LARGE1: variants seen among roughly 807,000 people sequenced by gnomAD.
LARGE1 encodes LARGE xylosyl- and glucuronyltransferase 1, also known as xylosyl- and glucuronyltransferase LARGE1.
A neutral mutation model predicts 87.6 loss-of-function variants in LARGE1; 43 were observed. The ratio of observed to expected loss-of-function variants is 0.49; its 90% CI spans 0.38 to 0.63. LARGE1 has a LOEUF of 0.63. LARGE1 is among the 30% of genes least tolerant of loss of function. LARGE1 has a pLI of 0.00. For synonymous variants in LARGE1, 434 were observed against 394.6 expected, an observed-to-expected ratio of 1.10 and a Z score of -1.18; for missense variants, 802 against 1,000.2, an observed-to-expected ratio of 0.80 and a Z score of 2.67.
intron 6 of LARGE1, among the ~76,000 whole-genome samples, chr22:33,513,812 T>TACACACACACACACACACACACACAC (rs56262022): frequency 1.4e-5 from 2 of 143,180 alleles, no homozygotes; most frequent in East Asian, 4.2e-4. Context: ...AGAGCTGATG[T>TACACACACACACACACACACACACAC]ACACACACAC....
Position 33,653,164 on chromosome 22 carries a change from C to T in LARGE1, c.107-2496G>A, listed in dbSNP as rs535657436. Reference sequence around the variant, plus strand: ...GAACCTCTGGCTTCCTCGGGAGTTACACCTTCTGTAGTGTCTATCATGGAT... The same window carrying T: ...GAACCTCTGGCTTCCTCGGGAGTTATACCTTCTGTAGTGTCTATCATGGAT... On this transcript the variant is annotated intron_variant, in intron 2 of 14. Transcript: ENST00000397394. 9.4e-4 allele frequency among the ~76,000 whole-genome samples: 143 copies of T among 152,332 alleles called. 1 individual carries two copies. The South Asian group carries it at 0.011, about 12-fold the overall frequency.
intron 1 of LARGE1, among the ~76,000 whole-genome samples, chr22:33,764,100 G>A (rs979359483): frequency 8.6e-5 from 13 of 151,822 alleles, no homozygotes; most frequent in African/African-American, 3.1e-4. Context: ...CACCCACCTC[G>A]GCCTCCCAAA....
chr22:33,319,986 A>G (rs1257327660), intron 10 of LARGE1, among the ~76,000 whole-genome samples: 1 of 152,182 alleles, frequency 6.6e-6, no homozygotes, highest in Non-Finnish European at 1.5e-5. Flanking sequence ...TTTAACCGTT[A>G]AAAGGATGCA....
intron 1 of LARGE1, among the ~76,000 whole-genome samples, chr22:33,812,938 C>T (rs779767791): frequency 1.3e-5 from 2 of 152,188 alleles, no homozygotes; most frequent in Non-Finnish European, 2.9e-5. Flanking sequence ...ATAATTAATG[C>T]AACTAGCACT....
intron 6 of LARGE1, among the ~76,000 whole-genome samples, chr22:33,555,502 C>G (rs752363702): frequency 2.6e-5 from 4 of 151,926 alleles, no homozygotes; most frequent in Non-Finnish European, 4.4e-5. Context: ...CTGAGAAGCT[C>G]AGGTTTGGGC....
rs188891577 is a variant in LARGE1 at position 33,567,365 on chromosome 22, C to T, written c.616-2346G>A. 1.9e-3 allele frequency among the ~76,000 whole-genome samples: 289 copies of T among 152,280 alleles called. 1 individual carries two copies. Among genetic ancestry groups the T allele is most frequent in the Admixed American group, 3.8e-3 (58 of 15,298 alleles). On this transcript the variant is annotated intron_variant, in intron 5 of 14. Coordinates refer to ENST00000397394, the MANE Select transcript of LARGE1 (RefSeq NM_133642.5). ...CAAAATATACTCAGTAATAAGCTCC[C>T]GCCCTTCTTCCTGATCCCTCTATCT...
intron 6 of LARGE1, among the ~76,000 whole-genome samples, chr22:33,435,091 TC>T (rs2067219591): frequency 6.6e-6 from 1 of 152,212 alleles, no homozygotes; most frequent in Non-Finnish European, 1.5e-5. Flanking sequence ...AACCTTCGCC[TC>T]CCGAGTTAAA....
chr22:33,408,902 G>A (rs2066205846), intron 7 of LARGE1, among the ~76,000 whole-genome samples: 1 of 152,054 alleles, frequency 6.6e-6, no homozygotes, highest in African/African-American at 2.4e-5. Flanking sequence ...TTAATCCTAG[G>A]TTTGTTGACA....
At chr22:33,268,185 C>T (rs1022507894), downstream of LARGE1, among the ~76,000 whole-genome samples, 62 of 151,290 alleles carry the variant, frequency 4.1e-4, 2 homozygotes, top group African/African-American at 1.5e-3. Context: ...AACACCTGGC[C>T]TCAAGTGATT....
chr22:33,708,408 G>A (rs1286135448), intron 2 of LARGE1, among the ~76,000 whole-genome samples: 1 of 152,076 alleles, frequency 6.6e-6, no homozygotes, highest in African/African-American at 2.4e-5. Context: ...GCCCTCCTGA[G>A]TGCCCCTCGC....
chr22:33,538,925 T>C (rs2077112728), intron 6 of LARGE1, among the ~76,000 whole-genome samples: 2 of 152,206 alleles, frequency 1.3e-5, no homozygotes, highest in Non-Finnish European at 2.9e-5. Flanking sequence ...AAACTAGGGT[T>C]TGTAACACAT....
At chr22:33,573,411 C>A (rs2078263875) in intron 5 of LARGE1, among the ~76,000 whole-genome samples, 1 of 152,182 alleles carries the variant, frequency 6.6e-6, no homozygotes, top group South Asian at 2.1e-4. Context: ...TGCACTCCAG[C>A]CTGGGCAACA....
chr22:33,437,439 A>G (rs1000630043), intron 6 of LARGE1, among the ~76,000 whole-genome samples: 1 of 152,254 alleles, frequency 6.6e-6, no homozygotes, highest in South Asian at 2.1e-4. Context: ...ATTCACTTGT[A>G]AAATAGAGAT....
chr22:33,493,327 A>T (rs1351665694), intron 6 of LARGE1, among the ~76,000 whole-genome samples: 1 of 151,502 alleles, frequency 6.6e-6, no homozygotes, highest in African/African-American at 2.4e-5. Flanking sequence ...TGTCCAGCTA[A>T]TTTTTGTATT....
intron 2 of LARGE1, among the ~76,000 whole-genome samples, chr22:33,708,788 T>C (rs1243682167): frequency 6.6e-6 from 1 of 152,138 alleles, no homozygotes; most frequent in Non-Finnish European, 1.5e-5. Flanking sequence ...TTTAGTAAAG[T>C]CGGGGTTTCA....
intron 11 of LARGE1, among the ~76,000 whole-genome samples, chr22:33,194,966 G>A (rs1028857330): frequency 2.6e-5 from 4 of 152,120 alleles, no homozygotes; most frequent in Admixed American, 2.0e-4. Flanking sequence ...TAACTACCCT[G>A]TCAACACCCT....
At chr22:33,772,798 T>A (rs113530006) in intron 1 of LARGE1, among the ~76,000 whole-genome samples, 5 of 152,334 alleles carry the variant, frequency 3.3e-5, no homozygotes, top group African/African-American at 1.2e-4. Context: ...GACTACTTTA[T>A]ATTCAAGGTA....
intron 13 of LARGE1, among the ~76,000 whole-genome samples, chr22:33,279,777 T>C (rs1436131108): frequency 1.3e-5 from 2 of 152,194 alleles, no homozygotes; most frequent in African/African-American, 4.8e-5. Context: ...AGCAGTTGCT[T>C]TTCCATTTGT....
intron 1 of LARGE1, among the ~76,000 whole-genome samples, chr22:33,771,198 C>G (rs1180845380): frequency 6.9e-6 from 1 of 144,650 alleles, no homozygotes; most frequent in Non-Finnish European, 1.5e-5. Flanking sequence ...TGTATTCTCT[C>G]TTGTTCAGCG....
Sources: allele counts gnomAD v4.1 joint callset (sites outside exome capture counted in the v4.1 genomes callset), GRCh38; gene constraint gnomAD v4.1.1; transcripts MANE v1.5; gene names NCBI Gene and HGNC (gene_info 2026-07-23, HGNC 2026-07-21).